ANKRD17: variants seen among roughly 807,000 people sequenced by gnomAD.
The protein encoded by ANKRD17 is ankyrin repeat domain 17.
In ANKRD17, 19 loss-of-function variants were observed where a neutral mutation model predicts 229.7. The observed-to-expected ratio is 0.08, with a 90% CI of 0.06 to 0.12. The LOEUF (loss-of-function observed/expected upper bound fraction) is 0.12, where lower values mean the gene tolerates loss of function less well. Ranked by LOEUF, ANKRD17 falls within the 10% of genes least tolerant of loss-of-function variation. The probability of loss-of-function intolerance (pLI) is 1.00; values close to 1 mark genes in which losing one functional copy is unlikely to be tolerated. For missense variants in ANKRD17, 2,176 were observed against 3,176.8 expected (o/e 0.68, Z 7.57); for synonymous variants, 1,112 against 1,146.1 (o/e 0.97, Z 0.60).
Position 73,091,571 on chromosome 4 carries a change from G to A in ANKRD17, c.6057C>T (p.Asn2019=). Residue 2019 remains asparagine (N), a synonymous_variant, in exon 29 of 34, where the codon AAC becomes AAT. Coordinates refer to ENST00000358602, the MANE Select transcript of ANKRD17 (RefSeq NM_032217.5). ...TGGCATTTGTGGGTGCAGTGTTGTT[G>A]TTGCTTGCCGTGGTTGTGACTGTTG... ...TTTTVTTTAS[N]NNTAPTNATY... is the part of the protein sequence containing the mutation. 4 of 1,614,194 alleles carry A rather than the reference G, an allele frequency of 2.5e-6. No individual in the cohort carries two copies. Among genetic ancestry groups the A allele is most frequent in the Non-Finnish European group, 3.4e-6 (4 of 1,180,042 alleles).
Position 73,139,534 on chromosome 4 carries a change from C to A in ANKRD17, c.3082G>T (p.Ala1028Ser). 2 of 1,610,652 alleles carry A rather than the reference C, an allele frequency of 1.2e-6. No individual in the cohort carries two copies. Among genetic ancestry groups the A allele is most frequent in the Non-Finnish European group, 1.7e-6 (2 of 1,177,902 alleles). ...TLNDTLDDIM[A>S]AVSGRASAMS... Reference sequence around the variant, plus strand: ...GCTCATAACAATATAAACCCACCTGCCATGATGTCATCCAGCGTGTCATTG... The same window carrying A: ...GCTCATAACAATATAAACCCACCTGACATGATGTCATCCAGCGTGTCATTG... The change falls in exon 15 of 34, where the codon GCA becomes TCA. Residue 1028 changes from alanine (A) to serine (S), a missense_variant. Physicochemically the swap from Ala to Ser is moderately conservative, Grantham distance 99 (BLOSUM62 1). Coordinates refer to ENST00000358602, the MANE Select transcript of ANKRD17 (RefSeq NM_032217.5).
chr4:73,171,178 GGAGAGAGAGAGAGAGAGAGA>G (rs56882212), intron 2 of ANKRD17, among the ~76,000 whole-genome samples: 2 of 104,498 alleles, frequency 1.9e-5, no homozygotes, highest in South Asian at 4.0e-4. Flanking sequence ...CTCAGAGGGG[GGAGAGAGAGAGAGAGAGAGA>G]GAGAGAGAGA....
chr4:73,129,112 T>C (rs144563297), intron 16 of ANKRD17, among the ~76,000 whole-genome samples: 9 of 152,260 alleles, frequency 5.9e-5, no homozygotes, highest in South Asian at 2.1e-4. Context: ...AAAAAGGAGA[T>C]AGATGTCCAG....
intron 2 of ANKRD17, among the ~76,000 whole-genome samples, chr4:73,162,139 G>A (rs969060434): frequency 3.3e-5 from 5 of 151,264 alleles, no homozygotes; most frequent in African/African-American, 7.3e-5. Flanking sequence ...CAGCCTCAGC[G>A]TCCTGGGTTC....
chr4:73,252,283 A>G (rs549831272), intron 1 of ANKRD17, among the ~76,000 whole-genome samples: 1 of 152,360 alleles, frequency 6.6e-6, no homozygotes, highest in South Asian at 2.1e-4. Context: ...TTAAAGGGCA[A>G]AACATGAAGA....
At chr4:73,160,210 C>CTTT (rs144486458) in intron 3 of ANKRD17, among the ~76,000 whole-genome samples, 26 of 61,502 alleles carry the variant, frequency 4.2e-4, no homozygotes, top group Middle Eastern at 0.011. Context: ...TTTCTTATCA[C>CTTT]TTTTTTTTTT....
chr4:73,240,806 C>CTTTTTTT (rs111961579), intron 1 of ANKRD17, among the ~76,000 whole-genome samples: 5 of 127,032 alleles, frequency 3.9e-5, no homozygotes, highest in Non-Finnish European at 5.0e-5. Flanking sequence ...AGTACTTATT[C>CTTTTTTT]TTTTTTTTTT....
rs776473924 is a variant in ANKRD17, at chr4:73,144,573, G to A, written c.1957+172C>T. Among the ~76,000 whole-genome samples, 4 of 152,058 alleles carry A rather than the reference G, an allele frequency of 2.6e-5. No individual in the cohort carries two copies. The East Asian group carries it at 5.8e-4, about 22-fold the overall frequency. ...TGACAATTATTTCTAGTTTGAAGCT[G>A]GTCTGTGCATGGCAGGATGTTTATC... On this transcript the variant is annotated intron_variant, in intron 11 of 33. Coordinates refer to ENST00000358602, the MANE Select transcript of ANKRD17 (RefSeq NM_032217.5).
At chr4:73,190,097 G>A (rs766681560) in intron 1 of ANKRD17, among the ~76,000 whole-genome samples, 14 of 152,236 alleles carry the variant, frequency 9.2e-5, no homozygotes, top group African/African-American at 2.4e-4. Context: ...GGCTGGGCGC[G>A]GTGGCTTACA....
chr4:73,133,121 G>C (rs1728437819), intron 16 of ANKRD17, among the ~76,000 whole-genome samples: 1 of 151,770 alleles, frequency 6.6e-6, no homozygotes, highest in Admixed American at 6.6e-5. Context: ...GTGATGGTGG[G>C]CGCCTGTAAT....
intron 32 of ANKRD17, 94 bp downstream of exon 32, chr4:73,077,261 A>C: frequency 2.2e-6 from 3 of 1,353,472 alleles, no homozygotes; most frequent in Non-Finnish European, 3.0e-6. Context: ...TATATAACTT[A>C]TTTTAACATT....
chr4:73,141,951 T>A, intron 13 of ANKRD17, 108 bp from the exon 14 acceptor site: 1 of 955,228 alleles, frequency 1.0e-6, no homozygotes, highest in Non-Finnish European at 1.5e-6. Context: ...TTTTAATATG[T>A]CATCTTAGAC....
At position 73,078,731 on chromosome 4, in the gene ANKRD17, G is replaced by A. The variant is rs770029425; in HGVS notation, c.7319C>T (p.Thr2440Met). 5 of 1,614,128 alleles carry A rather than the reference G, an allele frequency of 3.1e-6. No individual in the cohort carries two copies. The highest frequency in any genetic ancestry group is 2.5e-6 in the Non-Finnish European group (3 of 1,180,032). ...ERSARIRQTGTSAPSVIGSNL... is the reference protein window; with the variant it reads ...ERSARIRQTGMSAPSVIGSNL... ...GCTCCCAATAACAGATGGAGCTGAC[G>A]TTCCAGTTTGCCTGATACGTGCAGA... The change falls in exon 31 of 34, where the codon ACG becomes ATG. Residue 2440 changes from threonine to methionine, a missense_variant. Coordinates refer to ENST00000358602, the MANE Select transcript of ANKRD17 (RefSeq NM_032217.5).
intron 5 of ANKRD17, among the ~76,000 whole-genome samples, chr4:73,155,405 T>A: frequency 6.6e-6 from 1 of 152,346 alleles, no homozygotes. Flanking sequence ...GTTTTACTTT[T>A]ATCTTAAAGA....
intron 25 of ANKRD17, among the ~76,000 whole-genome samples, chr4:73,101,541 T>C (rs994043349): frequency 6.6e-6 from 1 of 151,894 alleles, no homozygotes; most frequent in African/African-American, 2.4e-5. Context: ...GGCACGTCCC[T>C]GTAGTCCCAG....
intron 1 of ANKRD17, 117 bp from the exon 2 acceptor site, chr4:73,177,650 T>A (rs1734914338): frequency 4.1e-6 from 3 of 739,806 alleles, no homozygotes; most frequent in Non-Finnish European, 6.5e-6. Context: ...TAATTAACAA[T>A]GGTAAACACA....
At position 73,258,729 on chromosome 4, in the gene ANKRD17, CT is replaced by C. The variant is rs1338482659; in HGVS notation, c.-62del. 7.2e-7 allele frequency: 1 copy of C among 1,385,386 alleles called. No individual in the cohort carries two copies. The highest frequency in any genetic ancestry group is 9.3e-7 in the Non-Finnish European group (1 of 1,079,422). 85.8% of individuals were successfully genotyped at this position (1,385,386 alleles called of 1,614,324 possible). On this transcript the variant is annotated 5_prime_UTR_variant, in exon 1 of 34. Coordinates refer to ENST00000358602, the MANE Select transcript of ANKRD17 (RefSeq NM_032217.5). ...GGCGTGGGGCTACGCTCTACCGCGACTTCGGCCGCACTGGGGCCGACACAGC... is the reference window on the plus strand; with the variant it reads ...GGCGTGGGGCTACGCTCTACCGCGACTCGGCCGCACTGGGGCCGACACAGC...
At chr4:73,227,871 T>C (rs909854008) in intron 1 of ANKRD17, among the ~76,000 whole-genome samples, 1 of 152,252 alleles carries the variant, frequency 6.6e-6, no homozygotes, top group Admixed American at 6.5e-5. Flanking sequence ...AACACTTTGT[T>C]GTTTGTTCCC....
intron 1 of ANKRD17, among the ~76,000 whole-genome samples, chr4:73,248,086 C>T (rs1042749871): frequency 1.3e-5 from 2 of 151,970 alleles, no homozygotes; most frequent in African/African-American, 4.8e-5. Context: ...TAACATATCT[C>T]CACCTGCATC....
Sources: allele counts gnomAD v4.1 joint callset (sites outside exome capture counted in the v4.1 genomes callset), GRCh38; gene constraint gnomAD v4.1.1; transcripts MANE v1.5; gene names NCBI Gene and HGNC (gene_info 2026-07-23, HGNC 2026-07-21).